The following HIVEP2 variants were observed in gnomAD, a reference collection of about 807,000 sequenced individuals.
The protein encoded by HIVEP2 is transcription factor HIVEP2.
A neutral mutation model predicts 180.7 loss-of-function variants in HIVEP2; 14 were observed. The ratio of observed to expected loss-of-function variants is 0.08; its 90% CI spans 0.05 to 0.12. The LOEUF is 0.12. HIVEP2 is among the 10% of genes least tolerant of loss of function. HIVEP2 has a pLI of 1.00. For missense variants in HIVEP2, 2,579 were observed against 3,008.5 expected (o/e 0.86, Z 3.34); for synonymous variants, 1,184 against 1,136.4 (o/e 1.04, Z -0.84).
intron 2 of HIVEP2, among the ~76,000 whole-genome samples, chr6:142,791,734 C>G (rs1776142288): frequency 1.3e-5 from 2 of 151,962 alleles, no homozygotes; most frequent in Non-Finnish European, 2.9e-5. Context: ...CCAAAAAATC[C>G]CCAAATACAT....
rs764880180 is a variant in HIVEP2 at position 142,770,200 on chromosome 6, A to C, written c.4539T>G (p.Ser1513=). 2.5e-6 allele frequency: 4 copies of C among 1,614,100 alleles called. No individual in the cohort carries two copies. In the Middle Eastern group the frequency reaches 4.9e-4, roughly 199 times the overall value. Reference sequence around the variant, plus strand: ...AGGAGGGCGACAGCGAGGAGAAGGAAGATGACCCTGACTGCAAGCCATCTT... The same window carrying C: ...AGGAGGGCGACAGCGAGGAGAAGGACGATGACCCTGACTGCAAGCCATCTT... ...EPKDGLQSGS[S]SFSSLSPSSS... Residue 1513 remains serine, a synonymous_variant, in exon 5 of 10, where the codon TCT becomes TCG. Transcript: ENST00000367603. The surrounding 1 kb of genome is among the most constrained non-coding windows in gnomAD (Gnocchi z 4.7).
intron 2 of HIVEP2, among the ~76,000 whole-genome samples, chr6:142,794,687 T>A (rs1212736295): frequency 6.6e-6 from 1 of 152,208 alleles, no homozygotes; most frequent in Non-Finnish European, 1.5e-5. Flanking sequence ...TCTGACATAT[T>A]CTTGGACATG....
At chr6:142,913,735 C>T (rs1184816657) in intron 1 of HIVEP2, among the ~76,000 whole-genome samples, 1 of 152,198 alleles carries the variant, frequency 6.6e-6, no homozygotes, top group Non-Finnish European at 1.5e-5. Context: ...TAGAACAGGG[C>T]CAAAGATGCA....
chr6:142,915,091 G>C (rs186880066), intron 1 of HIVEP2, among the ~76,000 whole-genome samples: 86 of 152,218 alleles, frequency 5.6e-4, no homozygotes, highest in South Asian at 2.1e-3. Flanking sequence ...AAAATATTGT[G>C]TAAGAATGGG....
chr6:142,945,391 G>A (rs1225860888), upstream of HIVEP2, among the ~76,000 whole-genome samples: 1 of 152,190 alleles, frequency 6.6e-6, no homozygotes, highest in African/African-American at 2.4e-5. The surrounding 1 kb of genome is among the most constrained non-coding windows in gnomAD (Gnocchi z 5.5). Context: ...ACACGCCGGG[G>A]AGCGGGGGAC....
At chr6:142,934,150 G>C (rs1252964741) in intron 1 of HIVEP2, among the ~76,000 whole-genome samples, 1 of 152,130 alleles carries the variant, frequency 6.6e-6, no homozygotes, top group Admixed American at 6.5e-5. Flanking sequence ...CCAATGTATT[G>C]CTGTATATCA....
chr6:142,839,937 G>C (rs552690429), intron 1 of HIVEP2, among the ~76,000 whole-genome samples: 3 of 152,124 alleles, frequency 2.0e-5, no homozygotes, highest in Non-Finnish European at 4.4e-5. Flanking sequence ...TTGCATCGTA[G>C]AGCCACTGTG....
In HIVEP2 at chr6:142,753,135, G is replaced by A. The variant is rs753602520; in HGVS notation, c.7313C>T (p.Pro2438Leu). 9.3e-6 allele frequency: 15 copies of A among 1,608,412 alleles called. No homozygotes were observed. In the Admixed American group the frequency reaches 2.3e-4, roughly 25 times the overall value. Residue 2438 changes from proline (P) to leucine (L), a missense_variant, in exon 10 of 10, where the codon CCT becomes CTT. By Grantham distance (98) the Pro-to-Leu change is moderately conservative (BLOSUM62 -3). This residue lies in a region of HIVEP2 where 660 missense variants were observed against 731.7 expected (regional missense o/e 0.90). Transcript: ENST00000367603. ...ATGTAGCTGACTCTTTTCTGATGAA[G>A]GATCTTTGCTTTCCTCTGTGCTTGA... ...LSSSTEESKD[P>L]SSEKSQLH is the part of the protein sequence containing the mutation.
chr6:142,939,651 A>G (rs1333935890), intron 1 of HIVEP2, among the ~76,000 whole-genome samples: 1 of 152,216 alleles, frequency 6.6e-6, no homozygotes, highest in Non-Finnish European at 1.5e-5. Flanking sequence ...TCCAGTTGGA[A>G]AAAATCCTGC....
intron 8 of HIVEP2, among the ~76,000 whole-genome samples, chr6:142,761,064 C>G (rs1360784383): frequency 6.6e-6 from 1 of 152,196 alleles, no homozygotes; most frequent in Non-Finnish European, 1.5e-5. Flanking sequence ...TCTGGCCAAC[C>G]TTAATGATGT....
intron 2 of HIVEP2, among the ~76,000 whole-genome samples, chr6:142,825,337 G>A (rs1041463157): frequency 2.6e-5 from 4 of 151,854 alleles, no homozygotes; most frequent in Admixed American, 1.3e-4. Context: ...AAAAGCACGA[G>A]GCTGAGTGGT....
chr6:142,886,217 G>A (rs929487515), intron 1 of HIVEP2, among the ~76,000 whole-genome samples: 1 of 152,220 alleles, frequency 6.6e-6, no homozygotes, highest in East Asian at 1.9e-4. Flanking sequence ...AAATGAGTGA[G>A]TGAATGGATG....
chr6:142,885,905 T>C (rs2128418839), intron 1 of HIVEP2, among the ~76,000 whole-genome samples: 1 of 152,338 alleles, frequency 6.6e-6, no homozygotes, highest in African/African-American at 2.4e-5. Context: ...TTCTCTTCTT[T>C]AACTCGTAGT....
intron 1 of HIVEP2, among the ~76,000 whole-genome samples, chr6:142,917,111 C>T (rs956550761): frequency 2.0e-5 from 3 of 152,122 alleles, no homozygotes; most frequent in Admixed American, 6.5e-5. Context: ...GTCACTCATC[C>T]AAAATTTCAA....
chr6:142,836,331 C>T (rs1260368729), intron 2 of HIVEP2, among the ~76,000 whole-genome samples: 1 of 152,116 alleles, frequency 6.6e-6, no homozygotes, highest in Admixed American at 6.6e-5. Flanking sequence ...CCTGTTCCCA[C>T]TAAATTCTGT....
chr6:142,788,572 G>T (rs1310860885), intron 2 of HIVEP2: 1 of 152,200 alleles, frequency 6.6e-6, no homozygotes, highest in African/African-American at 2.4e-5. Flanking sequence ...AATTAGCCGG[G>T]TGTGGTGGCT....
intron 1 of HIVEP2, among the ~76,000 whole-genome samples, chr6:142,914,669 T>C (rs910790514): frequency 2.0e-5 from 3 of 152,188 alleles, no homozygotes; most frequent in African/African-American, 7.2e-5. Context: ...TAATAAATAA[T>C]TGTTAACTAA....
At chr6:142,785,887 C>T (rs197498) in intron 2 of HIVEP2, among the ~76,000 whole-genome samples, 79,925 of 151,988 alleles carry the variant, frequency 0.53, 21,891 homozygotes, top group Non-Finnish European at 0.6. Context: ...TATACTTATC[C>T]TTACCTTAAA....
intron 2 of HIVEP2, among the ~76,000 whole-genome samples, chr6:142,807,180 G>A (rs1302956573): frequency 1.3e-5 from 2 of 152,188 alleles, no homozygotes; most frequent in African/African-American, 4.8e-5. Flanking sequence ...GAGCAAGGAG[G>A]AGTCAACTTG....
Sources: gnomAD v4.1 joint callset for allele counts (sites outside exome capture counted in the v4.1 genomes callset) on GRCh38, gnomAD v4.1.1 for gene constraint, gnomAD v4.1.1 regional missense constraint, Gnocchi (gnomAD v3.1) non-coding constraint, MANE v1.5 for transcripts, NCBI Gene and HGNC (gene_info 2026-07-23, HGNC 2026-07-21) for gene names.